The following TAF12 variants were observed in gnomAD, a reference collection of about 807,000 sequenced individuals.
The protein encoded by TAF12 is transcription initiation factor TFIID subunit 12.
TAF12 carries 3 observed loss-of-function variants against 20.8 expected under a neutral mutation model. The observed-to-expected ratio is 0.14, with a 90% CI of 0.07 to 0.37. The LOEUF is 0.37. Among genes scored for constraint, TAF12 ranks in the 10% least tolerant of loss-of-function variants. TAF12 has a pLI of 1.00. For missense variants in TAF12, 131 were observed against 197.9 expected (o/e 0.66, Z 2.03); for synonymous variants, 69 against 70.2 (o/e 0.98, Z 0.09).
At chr1:28,609,777 G>A (rs1476458515) in intron 4 of TAF12, among the ~76,000 whole-genome samples, 1 of 151,824 alleles carries the variant, frequency 6.6e-6, no homozygotes, top group Non-Finnish European at 1.5e-5. Context: ...GTGAGCCACC[G>A]TGTCTGGCCC....
chr1:28,619,957 AAAAG>A (rs1667159027), intron 2 of TAF12, among the ~76,000 whole-genome samples: 1 of 151,834 alleles, frequency 6.6e-6, no homozygotes, highest in Admixed American at 6.6e-5. Flanking sequence ...TCAAAAAAAA[AAAAG>A]AGAGAGAGAC....
intron 1 of TAF12, among the ~76,000 whole-genome samples, chr1:28,640,159 G>A (rs1667986318): frequency 6.6e-6 from 1 of 152,038 alleles, no homozygotes; most frequent in African/African-American, 2.4e-5. Context: ...AGTCTTTCTT[G>A]GCCTCCTAAA....
intron 5 of TAF12, 147 bp downstream of exon 5, chr1:28,605,225 C>G: frequency 1.4e-6 from 1 of 722,818 alleles, no homozygotes; most frequent in South Asian, 1.7e-5. Context: ...GCTGCTGCCT[C>G]TTGCCCTCTC....
intron 3 of TAF12, among the ~76,000 whole-genome samples, chr1:28,613,969 G>A (rs1360824937): frequency 6.6e-6 from 1 of 152,216 alleles, no homozygotes; most frequent in African/African-American, 2.4e-5. Flanking sequence ...GCCGGGCGTG[G>A]TGGCTCACGC....
At chr1:28,632,671 A>C (rs1230087394) in intron 1 of TAF12, among the ~76,000 whole-genome samples, 1 of 152,082 alleles carries the variant, frequency 6.6e-6, no homozygotes, top group Non-Finnish European at 1.5e-5. Context: ...GATGGAAAAC[A>C]GATCAGTGGT....
intron 3 of TAF12, among the ~76,000 whole-genome samples, chr1:28,614,581 G>T (rs1666968468): frequency 6.6e-6 from 1 of 151,906 alleles, no homozygotes; most frequent in Non-Finnish European, 1.5e-5. Flanking sequence ...TACTCTGGAG[G>T]TTGAGGCAGG....
At chr1:28,621,016 A>G (rs1053637689) in intron 2 of TAF12, among the ~76,000 whole-genome samples, 3 of 152,070 alleles carry the variant, frequency 2.0e-5, no homozygotes, top group African/African-American at 7.2e-5. Flanking sequence ...AGGACACACT[A>G]TTTTTATTAT....
At chr1:28,622,291 G>T (rs1320708721) in intron 1 of TAF12, 126 bp from the exon 2 acceptor site, 5 of 923,250 alleles carry the variant, frequency 5.4e-6, no homozygotes, top group Non-Finnish European at 4.2e-6. Context: ...AGGCCCAGGT[G>T]GTAGCATCAC....
chr1:28,628,351 C>A (rs537276802), intron 1 of TAF12, among the ~76,000 whole-genome samples: 53 of 146,774 alleles, frequency 3.6e-4, no homozygotes, highest in African/African-American at 1.3e-3. Flanking sequence ...GGTGACAGAG[C>A]AAGACTCTGT....
intron 4 of TAF12, among the ~76,000 whole-genome samples, chr1:28,605,869 C>T (rs768884585): frequency 6.6e-6 from 1 of 152,182 alleles, no homozygotes; most frequent in African/African-American, 2.4e-5. Context: ...GGCGCAATCT[C>T]GACTCACTGC....
At chr1:28,608,525 A>G (rs1024360387) in intron 4 of TAF12, among the ~76,000 whole-genome samples, 3 of 152,080 alleles carry the variant, frequency 2.0e-5, no homozygotes, top group Non-Finnish European at 4.4e-5. Flanking sequence ...AGGCCAAGGT[A>G]GGCAGATTGC....
chr1:28,631,354 T>A (rs1208015155), intron 1 of TAF12, among the ~76,000 whole-genome samples: 1 of 151,548 alleles, frequency 6.6e-6, no homozygotes, highest in East Asian at 1.9e-4. Context: ...TGAAGCCCCG[T>A]CTCTACTAAA....
chr1:28,607,630 C>T (rs1666711720), intron 4 of TAF12, among the ~76,000 whole-genome samples: 1 of 151,954 alleles, frequency 6.6e-6, no homozygotes, highest in African/African-American at 2.4e-5. Context: ...TGAGACGGCA[C>T]CACTGCACTC....
intron 1 of TAF12, among the ~76,000 whole-genome samples, chr1:28,623,509 A>C (rs904125554): frequency 5.9e-5 from 9 of 151,918 alleles, no homozygotes; most frequent in African/African-American, 2.2e-4. Flanking sequence ...TAAATAAATA[A>C]ATAAACTAGA....
intron 2 of TAF12, among the ~76,000 whole-genome samples, chr1:28,620,584 T>A (rs557194889): frequency 1.3e-5 from 2 of 152,064 alleles, no homozygotes; most frequent in Admixed American, 6.6e-5. Flanking sequence ...TACAGGCGCC[T>A]GCCACCACGC....
upstream of TAF12, among the ~76,000 whole-genome samples, chr1:28,645,015 C>CA (rs1214964527): frequency 1.3e-5 from 2 of 152,144 alleles, no homozygotes; most frequent in African/African-American, 4.8e-5. Flanking sequence ...TCCTCCACCT[C>CA]AGCTTCCCAA....
In TAF12 at chr1:28,605,408, G is replaced by T; in HGVS notation, c.414C>A (p.Pro138=). ...CTTCTGTGGTGCAAGCTTTTTTGTA[G>T]GGTCGGATTTCTTCAGAGCCAAATC... The part of the protein sequence containing the change: ...IPGFGSEEIR[P]YKKACTTEAH... The change falls in exon 5 of 6, where the codon CCC becomes CCA. Residue 138 remains proline, a synonymous_variant. Transcript: ENST00000373824. 6.2e-7 allele frequency: 1 copy of T among 1,614,066 alleles called. No individual in the cohort carries two copies. Among genetic ancestry groups the T allele is most frequent in the Non-Finnish European group, 8.5e-7 (1 of 1,180,008 alleles).
At chr1:28,638,491 ATTTT>A (rs140717375) in intron 1 of TAF12, among the ~76,000 whole-genome samples, 1 of 95,250 alleles carries the variant, frequency 1.0e-5, no homozygotes, top group African/African-American at 4.0e-5. Flanking sequence ...GCCCGGCCTA[ATTTT>A]TTTTTTTTTT....
chr1:28,640,462 G>T (rs1667995080), intron 1 of TAF12, among the ~76,000 whole-genome samples: 1 of 152,122 alleles, frequency 6.6e-6, no homozygotes. Context: ...ATGTAACTGG[G>T]GTTGGGTCAC....
Sources: allele counts gnomAD v4.1 joint callset (sites outside exome capture counted in the v4.1 genomes callset), GRCh38; gene constraint gnomAD v4.1.1; transcripts MANE v1.5; gene names NCBI Gene and HGNC (gene_info 2026-07-23, HGNC 2026-07-21).